MTUS1: variants seen among roughly 807,000 people sequenced by gnomAD.
MTUS1 encodes the protein microtubule associated scaffold protein 1, also known as microtubule-associated tumor suppressor 1.
A neutral mutation model predicts 120.8 loss-of-function variants in MTUS1; 109 were observed. The observed-to-expected ratio is 0.90, with a 90% confidence interval of 0.77 to 1.06. MTUS1 has a LOEUF of 1.06. Ranked by LOEUF, MTUS1 falls within the 50% of genes least tolerant of loss-of-function variation. The pLI, the probability that MTUS1 is intolerant of heterozygous loss-of-function variation, is 0.00. For missense variants in MTUS1, 2,210 were observed against 1,486.3 expected (o/e 1.49, Z -8.01); for synonymous variants, 737 against 550.5 (o/e 1.34, Z -4.74).
chr8:17,705,709 C>G (rs1289451038), intron 6 of MTUS1: 1 of 152,268 alleles, frequency 6.6e-6, no homozygotes, highest in Non-Finnish European at 1.5e-5. Context: ...AACCACTTCC[C>G]AGCACTTGGC....
At chr8:17,753,247 G>C (rs189108818) in intron 2 of MTUS1, among the ~76,000 whole-genome samples, 7 of 152,222 alleles carry the variant, frequency 4.6e-5, no homozygotes, top group Non-Finnish European at 7.4e-5. Flanking sequence ...GCTCATACAA[G>C]AGGGCTCTAC....
At chr8:17,684,187 G>A (rs769103603) in intron 7 of MTUS1, 141 bp downstream of exon 7, 3 of 650,330 alleles carry the variant, frequency 4.6e-6, no homozygotes, top group Non-Finnish European at 8.2e-6. Flanking sequence ...CTGGTGAAGT[G>A]ACAAAAATGT....
intron 3 of MTUS1, among the ~76,000 whole-genome samples, chr8:17,732,202 A>G (rs887357469): frequency 1.3e-5 from 2 of 152,216 alleles, no homozygotes; most frequent in Admixed American, 6.5e-5. Context: ...GGAGAGGCAG[A>G]AAGAGGACAT....
chr8:17,676,398 A>T (rs1226164689), intron 7 of MTUS1: 1 of 700,290 alleles, frequency 1.4e-6, no homozygotes, highest in Non-Finnish European at 2.6e-6. Context: ...TGGCCGCGCC[A>T]CCCACCAGTC....
intron 2 of MTUS1, among the ~76,000 whole-genome samples, chr8:17,747,490 G>A (rs1051720501): frequency 6.6e-6 from 1 of 152,080 alleles, no homozygotes; most frequent in Admixed American, 6.6e-5. Context: ...GAAATTCTAG[G>A]CAGACGGGGG....
At chr8:17,664,147 G>C (rs889691372) in intron 8 of MTUS1, 1 of 152,144 alleles carries the variant, frequency 6.6e-6, no homozygotes, top group East Asian at 1.9e-4. Context: ...ATTCAAATTT[G>C]ATGCATATGA....
intron 4 of MTUS1, chr8:17,722,680 A>C: frequency 2.4e-6 from 1 of 412,042 alleles, no homozygotes; most frequent in Non-Finnish European, 3.3e-6. Flanking sequence ...ATTCCCTCAC[A>C]TAGCTGCTGT....
intron 2 of MTUS1, among the ~76,000 whole-genome samples, chr8:17,752,263 C>T (rs963482932): frequency 7.2e-5 from 11 of 152,032 alleles, no homozygotes. Context: ...TGGGGACTGA[C>T]ACACCAAAAA....
At chr8:17,762,109 G>A (rs757429100) in intron 1 of MTUS1, among the ~76,000 whole-genome samples, 19 of 152,006 alleles carry the variant, frequency 1.2e-4, no homozygotes, top group Admixed American at 5.2e-4. Context: ...GTGAAACCCC[G>A]TCTCTACTAA....
chr8:17,765,003 G>C (rs1389446719), intron 1 of MTUS1, among the ~76,000 whole-genome samples: 1 of 152,168 alleles, frequency 6.6e-6, no homozygotes, highest in Non-Finnish European at 1.5e-5. Context: ...ATCAGTGGGA[G>C]CCCTCAGTTT....
In MTUS1 at chr8:17,751,343, A is replaced by G. The variant is rs372977580; in HGVS notation, c.2091+2374T>C. On this transcript the variant is annotated intron_variant, in intron 2 of 14. Coordinates refer to ENST00000693296, the MANE Select transcript of MTUS1 (RefSeq NM_001363059.2). ...TCCCTCCAGCATGGTCTCTTCGTCA[A>G]TCCAGGGCAGTAAGAGCCTTTGAGT... 2.0e-4 allele frequency among the ~76,000 whole-genome samples: 30 copies of G among 152,230 alleles called. 1 individual carries two copies. The East Asian group carries it at 2.3e-3, about 12-fold the overall frequency.
intron 6 of MTUS1, among the ~76,000 whole-genome samples, chr8:17,709,476 C>T (rs1333930148): frequency 1.3e-5 from 2 of 152,054 alleles, no homozygotes; most frequent in African/African-American, 4.8e-5. Flanking sequence ...AGAGACAAGG[C>T]CCCTGCTCAT....
At chr8:17,769,934 G>A (rs2049899145) in intron 1 of MTUS1, among the ~76,000 whole-genome samples, 1 of 147,476 alleles carries the variant, frequency 6.8e-6, no homozygotes, top group Non-Finnish European at 1.5e-5. Context: ...ACACGGGGGG[G>A]GTTGGGGGGG....
chr8:17,752,759 C>T (rs957945473), intron 2 of MTUS1, among the ~76,000 whole-genome samples: 8 of 152,146 alleles, frequency 5.3e-5, no homozygotes, highest in Non-Finnish European at 7.3e-5. Context: ...TGCCTTTCTC[C>T]GCTGGCACTT....
intron 5 of MTUS1, among the ~76,000 whole-genome samples, 176 bp from the exon 6 acceptor site, chr8:17,713,428 G>C (rs1429596929): frequency 1.3e-5 from 2 of 151,720 alleles, no homozygotes; most frequent in African/African-American, 2.4e-5. Flanking sequence ...TAAATATAAG[G>C]TGATATTTCA....
chr8:17,750,698 G>A (rs1198983176), intron 2 of MTUS1, among the ~76,000 whole-genome samples: 2 of 152,080 alleles, frequency 1.3e-5, no homozygotes, highest in African/African-American at 4.8e-5. Context: ...AGCGTTACAG[G>A]GCCCATTAAA....
chr8:17,648,513 A>G (rs902290179), intron 13 of MTUS1, among the ~76,000 whole-genome samples: 1 of 152,254 alleles, frequency 6.6e-6, no homozygotes, highest in Non-Finnish European at 1.5e-5. Context: ...ATTAGAAGAT[A>G]CCAGACTCAG....
chr8:17,758,743 C>A (rs560688574), intron 1 of MTUS1, among the ~76,000 whole-genome samples: 2 of 152,240 alleles, frequency 1.3e-5, no homozygotes, highest in African/African-American at 4.8e-5. Context: ...TAGCATAGAT[C>A]GTGGGAACTG....
At chr8:17,656,554 C>G (rs530248766) in intron 8 of MTUS1, among the ~76,000 whole-genome samples, 3 of 131,336 alleles carry the variant, frequency 2.3e-5, no homozygotes, top group Non-Finnish European at 4.9e-5. Context: ...AACCCCCCCC[C>G]ACCCCACATT....
Sources: gnomAD v4.1 joint callset for allele counts (sites outside exome capture counted in the v4.1 genomes callset) on GRCh38, gnomAD v4.1.1 for gene constraint, MANE v1.5 for transcripts, NCBI Gene and HGNC (gene_info 2026-07-23, HGNC 2026-07-21) for gene names.